Variants in RGS6 observed in about 807,000 individuals in gnomAD.
RGS6 encodes the protein regulator of G-protein signaling 6.
Under a neutral mutation model 78.5 loss-of-function variants are expected in RGS6, and 30 were observed. The observed-to-expected ratio is 0.38, with a 90% CI of 0.29 to 0.52. RGS6 has a LOEUF of 0.52. Ranked by LOEUF, RGS6 falls within the 20% of genes least tolerant of loss-of-function variation. RGS6 has a pLI of 0.85. For synonymous variants in RGS6, 206 were observed against 206.0 expected (o/e 1.00, Z 0.00); for missense variants, 495 against 609.7 (o/e 0.81, Z 1.98).
chr14:72,439,953 GT>G (rs1358918370), intron 3 of RGS6, among the ~76,000 whole-genome samples: 2 of 152,148 alleles, frequency 1.3e-5, no homozygotes, highest in Non-Finnish European at 2.9e-5. Context: ...TCCTCTAGTT[GT>G]TGCTCTAGCC....
the RGS6 span, among the ~76,000 whole-genome samples, chr14:72,623,817 A>G: frequency 6.6e-6 from 1 of 152,228 alleles, no homozygotes; most frequent in Middle Eastern, 3.2e-3. Context: ...TAGCACCCAT[A>G]TTATGTTCTC....
chr14:72,565,266 T>G lies in RGS6; in HGVS notation c.*2799T>G, dbSNP rs1484088463. On this transcript the variant is annotated 3_prime_UTR_variant, in exon 18 of 18. Coordinates refer to ENST00000553525, the MANE Select transcript of RGS6 (RefSeq NM_001204424.2). ...TCTTGGCAGCCCCACAACCACAGCA[T>G]CAGGGCAGCTGCAGCAAGTGACCAC... is the stretch of plus-strand genomic sequence containing the variant. 1 of 152,348 alleles carries G rather than the reference T, an allele frequency of 6.6e-6. No homozygotes were observed. Among genetic ancestry groups the G allele is most frequent in the Non-Finnish European group, 1.5e-5 (1 of 68,144 alleles). 9.4% of individuals were successfully genotyped at this position (152,348 alleles called of 1,614,324 possible).
intron 2 of RGS6, among the ~76,000 whole-genome samples, chr14:72,137,677 T>C (rs2096466545): frequency 1.3e-5 from 2 of 152,200 alleles, no homozygotes; most frequent in African/African-American, 2.4e-5. Flanking sequence ...GATGAAGAGA[T>C]AGATGCATAG....
intron 2 of RGS6, among the ~76,000 whole-genome samples, chr14:72,257,583 A>G (rs954038631): frequency 7.2e-5 from 11 of 152,198 alleles, no homozygotes; most frequent in Non-Finnish European, 1.0e-4. Context: ...TAGAAGCCCA[A>G]ACCTTACCAT....
chr14:71,996,825 G>A (rs1258582834), intron 2 of RGS6, among the ~76,000 whole-genome samples: 1 of 152,130 alleles, frequency 6.6e-6, no homozygotes, highest in Non-Finnish European at 1.5e-5. Flanking sequence ...GACGAAGGAT[G>A]GTACAGGGAG....
chr14:71,894,691 C>T, the RGS6 span, among the ~76,000 whole-genome samples: 1 of 152,118 alleles, frequency 6.6e-6, no homozygotes. Context: ...AGATACTATC[C>T]CAGTACCTAA....
rs1158657109 is a variant in RGS6 at position 72,113,077 on chromosome 14, CGCATGCACGCAT to C, written c.84+148211_84+148222del. Among the ~76,000 whole-genome samples the C allele has an allele frequency of 1.9e-3, 272 of 142,284 alleles. 1 individual carries two copies. Among genetic ancestry groups the C allele is most frequent in the African/African-American group, 6.4e-3 (259 of 40,560 alleles). 93.3% of individuals were successfully genotyped at this position (142,284 alleles called of 152,430 possible). A position where few individuals can be genotyped will look rare whatever the true frequency, so the allele number is the denominator to read the frequency against. ...CTTCCTACACTTACACACACACACA[CGCATGCACGCAT>C]GCATGCACACACATGCACACACACA... On this transcript the variant is annotated intron_variant, in intron 2 of 17. Transcript: ENST00000553525.
intron 2 of RGS6, among the ~76,000 whole-genome samples, chr14:72,144,924 A>G (rs1292059180): frequency 1.3e-5 from 2 of 152,292 alleles, no homozygotes; most frequent in African/African-American, 4.8e-5. Flanking sequence ...TGAAGCATTC[A>G]GGGATCAGAG....
intron 2 of RGS6, among the ~76,000 whole-genome samples, chr14:72,020,777 C>G (rs142178759): frequency 1.4e-4 from 21 of 152,316 alleles, no homozygotes; most frequent in African/African-American, 5.1e-4. Context: ...AAATAAACCA[C>G]ACAAAGACCA....
At chr14:72,135,441 T>TC (rs2096417270) in intron 2 of RGS6, among the ~76,000 whole-genome samples, 1 of 152,168 alleles carries the variant, frequency 6.6e-6, no homozygotes, top group Non-Finnish European at 1.5e-5. Flanking sequence ...CATCACCATG[T>TC]CCCCTCCCAG....
At chr14:72,300,315 C>G (rs1195751800) in intron 2 of RGS6, among the ~76,000 whole-genome samples, 1 of 152,004 alleles carries the variant, frequency 6.6e-6, no homozygotes, top group Non-Finnish European at 1.5e-5. Context: ...ACTTGAGGCT[C>G]AGAAAGGTGA....
chr14:72,375,107 G>C (rs1166088414), intron 3 of RGS6, among the ~76,000 whole-genome samples: 1 of 152,158 alleles, frequency 6.6e-6, no homozygotes, highest in Non-Finnish European at 1.5e-5. Context: ...GAGGTTAAAA[G>C]ACTTGAAGAA....
At chr14:71,898,300 C>T in the RGS6 span, among the ~76,000 whole-genome samples, 2 of 152,052 alleles carry the variant, frequency 1.3e-5, no homozygotes, top group Non-Finnish European at 2.9e-5. Flanking sequence ...TCCAACCCTC[C>T]CCTCACCCCA....
chr14:72,018,102 T>C (rs1023425265), intron 2 of RGS6, among the ~76,000 whole-genome samples: 1 of 152,186 alleles, frequency 6.6e-6, no homozygotes, highest in African/African-American at 2.4e-5. Context: ...AAGGACATGA[T>C]CTCATTCCTT....
chr14:72,250,348 A>T (rs1009844058), intron 2 of RGS6, among the ~76,000 whole-genome samples: 1 of 146,886 alleles, frequency 6.8e-6, no homozygotes, highest in Non-Finnish European at 1.5e-5. Context: ...AATTTGTAAG[A>T]AAGTGGCTTT....
At chr14:71,871,987 G>A in the RGS6 span, among the ~76,000 whole-genome samples, 1 of 151,114 alleles carries the variant, frequency 6.6e-6, no homozygotes, top group African/African-American at 2.4e-5. Context: ...GGGGGTGGTG[G>A]AGGGGATGGT....
chr14:72,270,332 C>G lies in RGS6; in HGVS notation c.85-81763C>G, dbSNP rs532869165. On this transcript the variant is annotated intron_variant, in intron 2 of 17. Coordinates refer to ENST00000553525, the MANE Select transcript of RGS6 (RefSeq NM_001204424.2). Reference sequence around the variant, plus strand: ...GATGACAGTCAGAACAAATGGAATCCTCTAGGGTAGGGAGAAGAGAAAGAA... The same window carrying G: ...GATGACAGTCAGAACAAATGGAATCGTCTAGGGTAGGGAGAAGAGAAAGAA... Among the ~76,000 whole-genome samples, 9 of 152,284 alleles carry G rather than the reference C, an allele frequency of 5.9e-5. 1 individual carries two copies. In the South Asian group the frequency reaches 6.2e-4, roughly 11 times the overall value.
At chr14:72,537,833 A>C (rs2097270638) in intron 16 of RGS6, 1 of 349,538 alleles carries the variant, frequency 2.9e-6, no homozygotes, top group African/African-American at 2.1e-5. Context: ...CTAGAAGAAG[A>C]GAAGCTAGAG....
intron 15 of RGS6, among the ~76,000 whole-genome samples, chr14:72,521,981 A>T (rs2097049720): frequency 6.6e-6 from 1 of 152,234 alleles, no homozygotes. Context: ...ATAATTTCAC[A>T]TAACCTTAGC....
Sources: gnomAD v4.1 joint callset for allele counts (sites outside exome capture counted in the v4.1 genomes callset) on GRCh38, gnomAD v4.1.1 for gene constraint, MANE v1.5 for transcripts, NCBI Gene and HGNC (gene_info 2026-07-23, HGNC 2026-07-21) for gene names.